The following ADAMTS20 variants were observed in gnomAD, a reference collection of about 807,000 sequenced individuals.
The protein encoded by ADAMTS20 is ADAM metallopeptidase with thrombospondin type 1 motif 20, also known as A disintegrin and metalloproteinase with thrombospondin motifs 20.
In ADAMTS20, 225 loss-of-function variants were observed where a neutral mutation model predicts 260.1. The ratio of observed to expected loss-of-function variants is 0.87; its 90% confidence interval spans 0.78 to 0.97. ADAMTS20 has a LOEUF of 0.97. ADAMTS20 is among the 50% of genes least tolerant of loss of function. ADAMTS20 has a pLI of 0.00. For synonymous variants in ADAMTS20, 802 were observed against 769.5 expected (o/e 1.04, Z -0.70); for missense variants, 2,400 against 2,337.7 (o/e 1.03, Z -0.55).
chr12:43,540,704 A>G (rs935056121), intron 2 of ADAMTS20, among the ~76,000 whole-genome samples: 1 of 152,182 alleles, frequency 6.6e-6, no homozygotes, highest in Admixed American at 6.5e-5. Context: ...CAACATGACT[A>G]TCTGCAGATG....
chr12:43,518,519 T>C (rs1470858368), intron 3 of ADAMTS20, among the ~76,000 whole-genome samples: 1 of 152,106 alleles, frequency 6.6e-6, no homozygotes, highest in South Asian at 2.1e-4. Flanking sequence ...GTTCAGTCTT[T>C]GGATTTTTAT....
At chr12:43,420,473 T>C (rs1212401646) in intron 28 of ADAMTS20, among the ~76,000 whole-genome samples, 2 of 152,224 alleles carry the variant, frequency 1.3e-5, no homozygotes, top group Non-Finnish European at 2.9e-5. Context: ...ACTATACTTA[T>C]GTGTCTTTTT....
chr12:43,374,846 T>C (rs1940186309), intron 36 of ADAMTS20, among the ~76,000 whole-genome samples: 1 of 152,218 alleles, frequency 6.6e-6, no homozygotes. Context: ...GGAAGGGCAG[T>C]ATCTTACTTG....
chr12:43,356,458 A>G (rs759752617), intron 38 of ADAMTS20, 26 bp downstream of exon 38: 1 of 1,476,540 alleles, frequency 6.8e-7, no homozygotes, highest in Non-Finnish European at 9.3e-7. Flanking sequence ...TATTTCAAAC[A>G]GGCTTTTTGG....
chr12:43,526,231 G>A (rs997845105), intron 3 of ADAMTS20, among the ~76,000 whole-genome samples: 3 of 152,248 alleles, frequency 2.0e-5, no homozygotes, highest in East Asian at 1.9e-4. Flanking sequence ...CGAGGTGGGT[G>A]GATCACGAGG....
At chr12:43,373,848 T>A (rs1023655144) in intron 36 of ADAMTS20, among the ~76,000 whole-genome samples, 4 of 150,926 alleles carry the variant, frequency 2.7e-5, no homozygotes, top group African/African-American at 7.3e-5. Context: ...CCCGGCTAAT[T>A]TTTTGTATTT....
intron 37 of ADAMTS20, among the ~76,000 whole-genome samples, chr12:43,363,670 G>A (rs775306567): frequency 6.6e-6 from 1 of 152,136 alleles, no homozygotes; most frequent in African/African-American, 2.4e-5. Flanking sequence ...AATAAAACCT[G>A]GAGAAGTTCA....
At chr12:43,447,243 AC>A (rs1941779727) in intron 14 of ADAMTS20, among the ~76,000 whole-genome samples, 2 of 152,184 alleles carry the variant, frequency 1.3e-5, no homozygotes, top group Non-Finnish European at 2.9e-5. Flanking sequence ...AAAATCCTCA[AC>A]AAAATACTTG....
chr12:43,399,789 T>A (rs1057127890), intron 28 of ADAMTS20, among the ~76,000 whole-genome samples: 1 of 152,136 alleles, frequency 6.6e-6, no homozygotes, highest in Non-Finnish European at 1.5e-5. Flanking sequence ...ACCATCGGCC[T>A]TCTGATTTAT....
chr12:43,528,921 T>A (rs1026507904), intron 3 of ADAMTS20, among the ~76,000 whole-genome samples: 8 of 152,010 alleles, frequency 5.3e-5, no homozygotes, highest in Admixed American at 1.3e-4. Flanking sequence ...AAGACTGGTA[T>A]CCAAAATCTA....
chr12:43,551,255 G>C lies in ADAMTS20; in HGVS notation c.107C>G (p.Thr36Arg). 6.2e-7 allele frequency: 1 copy of C among 1,612,912 alleles called. No individual in the cohort carries two copies. Among genetic ancestry groups the C allele is most frequent in the South Asian group, 1.1e-5 (1 of 91,048 alleles). ...GATCACTACTTCGTAGGAGGTCAGTGTCCTCACCAGGGCTTCTGCAACAAC... is the reference window on the plus strand; with the variant it reads ...GATCACTACTTCGTAGGAGGTCAGTCTCCTCACCAGGGCTTCTGCAACAAC... ...FHPRQEALVRTLTSYEVVIPE... is the reference protein window; with the variant it reads ...FHPRQEALVRRLTSYEVVIPE... The change falls in exon 2 of 39, where the codon ACA becomes AGA. Residue 36 changes from threonine to arginine, a missense_variant. Physicochemically the swap from Thr to Arg is moderately conservative, Grantham distance 71. Transcript: ENST00000389420. The surrounding 1 kb of genome is among the most constrained non-coding windows in gnomAD (Gnocchi z 4.6).
At position 43,551,606 on chromosome 12, in the gene ADAMTS20, G is replaced by GC. The variant is rs1361621275; in HGVS notation, c.91+224dup. Among the ~76,000 whole-genome samples the GC allele has an allele frequency of 2.0e-5, 3 of 152,094 alleles. No homozygotes were observed. Among genetic ancestry groups the GC allele is most frequent in the Admixed American group, 6.5e-5 (1 of 15,282 alleles). ...GTGCAAGCGACCCCCTGCCCCTTGC[G>GC]CCCCCGCCGTGTGGTCCTGGGAGTG... On this transcript the variant is annotated intron_variant, in intron 1 of 38. Coordinates refer to ENST00000389420, the MANE Select transcript of ADAMTS20 (RefSeq NM_025003.5). This position sits in a 1 kb window ranked among gnomAD's most constrained non-coding sequence, Gnocchi z 4.6.
intron 36 of ADAMTS20, among the ~76,000 whole-genome samples, chr12:43,374,621 T>TA (rs1470987809): frequency 6.6e-6 from 1 of 152,210 alleles, no homozygotes; most frequent in Non-Finnish European, 1.5e-5. Flanking sequence ...CCATATTACT[T>TA]ACAACATTGT....
At chr12:43,493,297 T>C (rs1485161037) in intron 4 of ADAMTS20, 44 bp from the exon 5 acceptor site, 1 of 1,353,838 alleles carries the variant, frequency 7.4e-7, no homozygotes, top group Admixed American at 2.2e-5. Flanking sequence ...AAAATGAATA[T>C]TTCTTCTCAA....
chr12:43,373,203 G>C (rs551019869), intron 36 of ADAMTS20, among the ~76,000 whole-genome samples: 69 of 152,222 alleles, frequency 4.5e-4, no homozygotes, highest in Non-Finnish European at 3.2e-4. Context: ...AAAGAGAGGA[G>C]AAACTGTATA....
At chr12:43,531,911 C>A in intron 3 of ADAMTS20, 125 bp downstream of exon 3, 1 of 684,644 alleles carries the variant, frequency 1.5e-6, no homozygotes, top group East Asian at 3.9e-5. Context: ...ATTTTTATTT[C>A]TGAATTTAAA....
intron 12 of ADAMTS20, among the ~76,000 whole-genome samples, 184 bp downstream of exon 12, chr12:43,453,723 G>GT (rs61166573): frequency 9.9e-4 from 120 of 120,730 alleles, no homozygotes; most frequent in Admixed American, 1.5e-3. Flanking sequence ...ATCTATTTAT[G>GT]TTTTTTTTTT....
intron 4 of ADAMTS20, among the ~76,000 whole-genome samples, chr12:43,498,628 G>T (rs931653556): frequency 2.6e-5 from 4 of 152,176 alleles, no homozygotes; most frequent in Non-Finnish European, 5.9e-5. Context: ...AACCTGAACA[G>T]CTCCTTCCTA....
At chr12:43,369,180 C>T in intron 37 of ADAMTS20, 110 bp downstream of exon 37, 1 of 592,556 alleles carries the variant, frequency 1.7e-6, no homozygotes, top group Non-Finnish European at 2.6e-6. Flanking sequence ...TGAAGTTTTG[C>T]ATTTCTATTT....
Sources: gnomAD v4.1 joint callset for allele counts (sites outside exome capture counted in the v4.1 genomes callset) on GRCh38, gnomAD v4.1.1 for gene constraint, Gnocchi (gnomAD v3.1) non-coding constraint, MANE v1.5 for transcripts, NCBI Gene and HGNC (gene_info 2026-07-23, HGNC 2026-07-21) for gene names.